Variants in CCDC6 observed in about 807,000 individuals in gnomAD.
CCDC6 encodes coiled-coil domain-containing protein 6.
In CCDC6, 20 loss-of-function variants were observed where a neutral mutation model predicts 56.6. The observed-to-expected ratio is 0.35, with a 90% confidence interval of 0.25 to 0.51. The LOEUF is 0.51. Ranked by LOEUF, CCDC6 falls within the 20% of genes least tolerant of loss-of-function variation. CCDC6 has a pLI of 0.95. For missense variants in CCDC6, 367 were observed against 601.1 expected, an observed-to-expected ratio of 0.61 and a Z score of 4.07; for synonymous variants, 241 against 234.4, an observed-to-expected ratio of 1.03 and a Z score of -0.26.
intron 8 of CCDC6, among the ~76,000 whole-genome samples, chr10:59,794,024 T>C (rs1286391872): frequency 1.3e-5 from 2 of 151,994 alleles, no homozygotes; most frequent in Non-Finnish European, 2.9e-5. Flanking sequence ...TTGGGTAGAG[T>C]TGGAACCAGA....
chr10:59,799,986 A>G (rs1045038743), intron 7 of CCDC6, among the ~76,000 whole-genome samples: 3 of 152,246 alleles, frequency 2.0e-5, no homozygotes, highest in African/African-American at 7.2e-5. Flanking sequence ...CTCAAAGCCC[A>G]TCTCAAAAGC....
chr10:59,790,788 A>C lies in CCDC6; in HGVS notation c.*2129T>G, dbSNP rs1195871351. ...TATCAGGAAATGTTCGCTCACTCCA[A>C]GTGCTTTTTAAAAATTCAACATATG... is the stretch of plus-strand genomic sequence containing the variant. On this transcript the variant is annotated 3_prime_UTR_variant, in exon 9 of 9. Coordinates refer to ENST00000263102, the MANE Select transcript of CCDC6 (RefSeq NM_005436.5). The C allele has an allele frequency of 9.3e-6, 2 of 214,446 alleles. No homozygotes were observed. The highest frequency in any genetic ancestry group is 1.9e-5 in the Non-Finnish European group (2 of 106,130). 13.3% of individuals were successfully genotyped at this position (214,446 alleles called of 1,614,324 possible).
chr10:59,866,971 T>C (rs1290790919), intron 1 of CCDC6, among the ~76,000 whole-genome samples: 1 of 152,164 alleles, frequency 6.6e-6, no homozygotes, highest in Non-Finnish European at 1.5e-5. Flanking sequence ...TCTTTCAGAC[T>C]TGCAAAAAAG....
intron 3 of CCDC6, among the ~76,000 whole-genome samples, chr10:59,830,589 A>C (rs1364283810): frequency 6.6e-6 from 1 of 152,206 alleles, no homozygotes; most frequent in Admixed American, 6.5e-5. Context: ...TGCATTAAAC[A>C]TATTTTATTG....
chr10:59,793,949 T>TA (rs1281400995), intron 8 of CCDC6, among the ~76,000 whole-genome samples: 1 of 152,224 alleles, frequency 6.6e-6, no homozygotes, highest in Non-Finnish European at 1.5e-5. Context: ...ACTCTCACTC[T>TA]ACTAGCTACA....
At chr10:59,837,305 C>T (rs972604199) in intron 2 of CCDC6, among the ~76,000 whole-genome samples, 1 of 152,174 alleles carries the variant, frequency 6.6e-6, no homozygotes, top group Non-Finnish European at 1.5e-5. Flanking sequence ...GAGCACCTTC[C>T]CACCCAACAT....
chr10:59,830,255 C>T (rs1005554557), intron 3 of CCDC6, among the ~76,000 whole-genome samples: 3 of 152,110 alleles, frequency 2.0e-5, no homozygotes, highest in Non-Finnish European at 4.4e-5. Context: ...ATATAGAGTA[C>T]AGGATATCCT....
intron 1 of CCDC6, among the ~76,000 whole-genome samples, chr10:59,867,250 C>T (rs1420271035): frequency 6.6e-6 from 1 of 152,148 alleles, no homozygotes; most frequent in Non-Finnish European, 1.5e-5. Context: ...CCCCAACCAC[C>T]TGATGGACCC....
intron 2 of CCDC6, among the ~76,000 whole-genome samples, chr10:59,849,383 T>C (rs529857202): frequency 1.2e-3 from 189 of 152,324 alleles, no homozygotes; most frequent in African/African-American, 3.9e-3. Flanking sequence ...GTTTAAGCCA[T>C]CTCCCAAACT....
chr10:59,822,430 G>T (rs2070756275), intron 3 of CCDC6, among the ~76,000 whole-genome samples: 1 of 152,048 alleles, frequency 6.6e-6, no homozygotes, highest in Admixed American at 6.6e-5. Flanking sequence ...TTACTCGAGG[G>T]GATTCTTTTA....
chr10:59,819,233 C>G (rs775634929), intron 3 of CCDC6, among the ~76,000 whole-genome samples: 3 of 152,076 alleles, frequency 2.0e-5, no homozygotes, highest in Non-Finnish European at 4.4e-5. Context: ...AGTCAGTTTC[C>G]AAGAACTATA....
At chr10:59,886,609 T>A (rs2071384806) in intron 1 of CCDC6, among the ~76,000 whole-genome samples, 1 of 152,330 alleles carries the variant, frequency 6.6e-6, no homozygotes, top group African/African-American at 2.4e-5. Flanking sequence ...ATGTTAGCAA[T>A]ATTTCCTGTA....
Position 59,906,110 on chromosome 10 carries a change from G to C in CCDC6, c.303+12C>G, listed in dbSNP as rs770388408. 8 of 1,572,800 alleles carry C rather than the reference G, an allele frequency of 5.1e-6. No individual in the cohort carries two copies. The highest frequency in any genetic ancestry group is 6.0e-6 in the Non-Finnish European group (7 of 1,157,148). ...AGGTCGGCGCTGCGGCGCGTCCCCGGGGGGCACTCACGATGGTCACGCTGG... is the reference window on the plus strand; with the variant it reads ...AGGTCGGCGCTGCGGCGCGTCCCCGCGGGGCACTCACGATGGTCACGCTGG... On this transcript the variant is annotated intron_variant, in intron 1 of 8. Coordinates refer to ENST00000263102, the MANE Select transcript of CCDC6 (RefSeq NM_005436.5).
At chr10:59,832,487 A>T in intron 3 of CCDC6, 38 bp downstream of exon 3, 1 of 1,583,878 alleles carries the variant, frequency 6.3e-7, no homozygotes, top group Non-Finnish European at 8.6e-7. Flanking sequence ...GCTGAGAACG[A>T]GAAAATACAA....
chr10:59,887,603 G>C (rs748721488), intron 1 of CCDC6, among the ~76,000 whole-genome samples: 2 of 152,042 alleles, frequency 1.3e-5, no homozygotes, highest in African/African-American at 4.8e-5. Flanking sequence ...CAAATACCAA[G>C]TGATGTCCTT....
At chr10:59,842,572 CT>C (rs1305482399) in intron 2 of CCDC6, among the ~76,000 whole-genome samples, 5 of 152,030 alleles carry the variant, frequency 3.3e-5, no homozygotes, top group African/African-American at 9.7e-5. Context: ...GTGCATTGTC[CT>C]TTTAATATAT....
chr10:59,880,346 T>C (rs1236020768), intron 1 of CCDC6, among the ~76,000 whole-genome samples: 4 of 152,190 alleles, frequency 2.6e-5, no homozygotes, highest in African/African-American at 9.7e-5. Context: ...TTCTGGACAC[T>C]CTAGGTTCTA....
intron 7 of CCDC6, among the ~76,000 whole-genome samples, chr10:59,800,627 T>TA (rs397725289): frequency 3.7e-4 from 56 of 151,886 alleles, no homozygotes; most frequent in Non-Finnish European, 7.1e-4. Context: ...TTTTTTTTTT[T>TA]AAACCTGCTT....
In CCDC6 at chr10:59,877,704, T is replaced by G. The variant is rs563943286; in HGVS notation, c.304-25002A>C. 1.8e-4 allele frequency among the ~76,000 whole-genome samples: 27 copies of G among 152,294 alleles called. No individual in the cohort carries two copies. In the East Asian group the frequency reaches 4.8e-3, roughly 27 times the overall value. Reference sequence around the variant, plus strand: ...GAATATGTTAAGTTAAATGTGAGTATGACCCCATTCTGTGGTAAGAGATTA... The same window carrying G: ...GAATATGTTAAGTTAAATGTGAGTAGGACCCCATTCTGTGGTAAGAGATTA... On this transcript the variant is annotated intron_variant, in intron 1 of 8. Transcript: ENST00000263102.
Sources: allele counts gnomAD v4.1 joint callset (sites outside exome capture counted in the v4.1 genomes callset), GRCh38; gene constraint gnomAD v4.1.1; transcripts MANE v1.5; gene names NCBI Gene and HGNC (gene_info 2026-07-23, HGNC 2026-07-21).